Variants in RAB3GAP1 observed in about 807,000 individuals in gnomAD.
RAB3GAP1 encodes the protein rab3 GTPase-activating protein catalytic subunit.
A neutral mutation model predicts 130.7 loss-of-function variants in RAB3GAP1; 86 were observed. The observed-to-expected ratio is 0.66, with a 90% CI of 0.55 to 0.79. The LOEUF (loss-of-function observed/expected upper bound fraction) is 0.79. Ranked by LOEUF, RAB3GAP1 falls within the 30% of genes least tolerant of loss-of-function variation. The probability of loss-of-function intolerance (pLI) is 0.00; values close to 1 mark genes in which losing one functional copy is unlikely to be tolerated. For synonymous variants in RAB3GAP1, 367 were observed against 401.7 expected, an observed-to-expected ratio of 0.91 and a Z score of 1.03; for missense variants, 1,029 against 1,169.4, an observed-to-expected ratio of 0.88 and a Z score of 1.75.
intron 3 of RAB3GAP1, among the ~76,000 whole-genome samples, chr2:135,090,319 T>C (rs1690108130): frequency 6.6e-6 from 1 of 152,216 alleles, no homozygotes; most frequent in South Asian, 2.1e-4. Context: ...TAATTGCTTA[T>C]ATATTTTCAA....
At position 135,135,716 on chromosome 2, in the gene RAB3GAP1, A is replaced by T. The variant is rs761977924; in HGVS notation, c.1707A>T (p.Gly569=). ...TAAAAGAAACAGATAAGGAAAAGGG[A>T]GAGGTAGGAAAATCTTGGGATTCCT... The part of the protein sequence containing the change: ...DNLKETDKEK[G]EVGKSWDSWS... Residue 569 remains glycine, a synonymous_variant, in exon 17 of 24, where the codon GGA becomes GGT. Transcript: ENST00000264158. 11 of 1,613,976 alleles carry T rather than the reference A, an allele frequency of 6.8e-6. No homozygotes were observed. Among genetic ancestry groups the T allele is most frequent in the Non-Finnish European group, 8.5e-6 (10 of 1,179,992 alleles).
rs747903614 is a variant in RAB3GAP1 at position 135,113,270 on chromosome 2, G to A, written c.482G>A (p.Cys161Tyr). 1.2e-6 allele frequency: 2 copies of A among 1,614,026 alleles called. No individual in the cohort carries two copies. The highest frequency in any genetic ancestry group is 8.5e-7 in the Non-Finnish European group (1 of 1,179,966). Residue 161 changes from cysteine (C) to tyrosine (Y), a missense_variant and splice_region_variant, in exon 6 of 24, where the codon TGT (cysteine) becomes TAT (tyrosine). Physicochemically the swap from Cys to Tyr is radical, Grantham distance 194. Around this residue, in one of 3 missense-constraint regions of RAB3GAP1, gnomAD observed 510 missense variants for 532.1 expected, o/e 0.96. Coordinates refer to ENST00000264158, the MANE Select transcript of RAB3GAP1 (RefSeq NM_012233.3). Reference sequence around the variant, plus strand: ...TCTATTGCCTTGGGAAACACTGGCTGGTGAGTGGACATTTTTTAAAACCTA... The same window carrying A: ...TCTATTGCCTTGGGAAACACTGGCTAGTGAGTGGACATTTTTTAAAACCTA... ...SVSIALGNTGCQVPLFVQIHH... is the reference protein window; with the variant it reads ...SVSIALGNTGYQVPLFVQIHH...
intron 7 of RAB3GAP1, among the ~76,000 whole-genome samples, chr2:135,117,835 CTTCTTCTTCT>C (rs1231229279): frequency 7.5e-5 from 11 of 146,384 alleles, no homozygotes; most frequent in African/African-American, 2.9e-4. Flanking sequence ...CTTCTTCTTT[CTTCTTCTTCT>C]TTCTTCTTCT....
chr2:135,156,799 C>G lies in RAB3GAP1; in HGVS notation c.2289+2923C>G, dbSNP rs117298871. ...AGCTAGTGTAATTAGCAAGAGAAAG[C>G]AGAGGCATGGGAGTTGAAAGAAGAA... On this transcript the variant is annotated intron_variant, in intron 19 of 23. Coordinates refer to ENST00000264158, the MANE Select transcript of RAB3GAP1 (RefSeq NM_012233.3). 1.8e-3 allele frequency among the ~76,000 whole-genome samples: 274 copies of G among 152,196 alleles called. 7 individuals carry two copies. The South Asian group carries it at 0.033, about 18-fold the overall frequency.
chr2:135,105,468 G>A (rs1265497763), intron 5 of RAB3GAP1, among the ~76,000 whole-genome samples: 1 of 152,034 alleles, frequency 6.6e-6, no homozygotes, highest in African/African-American at 2.4e-5. Context: ...TCCTAACCGC[G>A]AGTGATCTGC....
intron 3 of RAB3GAP1, among the ~76,000 whole-genome samples, chr2:135,087,935 A>G (rs536246504): frequency 4.6e-5 from 7 of 152,234 alleles, no homozygotes; most frequent in Admixed American, 1.3e-4. Flanking sequence ...TTCGGTTCGC[A>G]TAGCAGATAC....
At chr2:135,164,845 C>G (rs1692586814) in intron 23 of RAB3GAP1, 149 bp downstream of exon 23, 1 of 650,360 alleles carries the variant, frequency 1.5e-6, no homozygotes, top group Non-Finnish European at 2.8e-6. Context: ...GAAACAATGA[C>G]TTCTGAGTCT....
chr2:135,109,091 C>G (rs1436676997), intron 5 of RAB3GAP1, among the ~76,000 whole-genome samples: 1 of 152,022 alleles, frequency 6.6e-6, no homozygotes, highest in Non-Finnish European at 1.5e-5. Flanking sequence ...TATAGTAGTG[C>G]TTGAAGTTTG....
At position 135,164,594 on chromosome 2, in the gene RAB3GAP1, G is replaced by A; in HGVS notation, c.2607G>A (p.Arg869=). 6.2e-7 allele frequency: 1 copy of A among 1,608,836 alleles called. No individual in the cohort carries two copies. The highest frequency in any genetic ancestry group is 1.1e-5 in the South Asian group (1 of 90,934). The change falls in exon 23 of 24, where the codon AGG becomes AGA. Residue 869 remains arginine (R), a splice_region_variant and synonymous_variant. Transcript: ENST00000264158. ...EQEEEKEDLE[R]FVSCLLEQPE... is the part of the protein sequence containing the mutation. ...TTCATTGCCTGTCTCTGTCTCCTAG[G>A]TTTGTGAGTTGCCTGCTGGAGCAGC...
intron 5 of RAB3GAP1, among the ~76,000 whole-genome samples, chr2:135,099,853 A>G (rs1478838048): frequency 6.6e-6 from 1 of 152,070 alleles, no homozygotes; most frequent in African/African-American, 2.4e-5. Flanking sequence ...ATTTGGATTG[A>G]TGGAGTAAAT....
chr2:135,135,480 T>C, intron 16 of RAB3GAP1, 84 bp from the exon 17 acceptor site: 1 of 1,477,746 alleles, frequency 6.8e-7, no homozygotes, highest in East Asian at 2.4e-5. Flanking sequence ...AAGTGGAGAG[T>C]GAAAATTAAA....
rs183041635 is a variant in RAB3GAP1 at position 135,101,752 on chromosome 2, G to A, written c.362+8059G>A. Among the ~76,000 whole-genome samples the A allele has an allele frequency of 3.5e-3, 524 of 151,794 alleles. 1 individual carries two copies. Among genetic ancestry groups the A allele is most frequent in the Non-Finnish European group, 5.4e-3 (364 of 67,970 alleles). On this transcript the variant is annotated intron_variant, in intron 5 of 23. Coordinates refer to ENST00000264158, the MANE Select transcript of RAB3GAP1 (RefSeq NM_012233.3). ...ATCTTAATGATGTGTTTTGCTGGAT[G>A]TATTTCAGCCTTCTGATATACCTAT...
Position 135,150,411 on chromosome 2 carries a change from G to A in RAB3GAP1, c.1966G>A (p.Glu656Lys). The change falls in exon 18 of 24, where the codon GAA becomes AAA. Residue 656 changes from glutamate to lysine, a missense_variant. By Grantham distance (56) the Glu-to-Lys change is moderately conservative (BLOSUM62 1). This residue lies in a region of RAB3GAP1 where 373 missense variants were observed against 493.6 expected (regional missense o/e 0.76). Transcript: ENST00000264158. ...MTEDLLEEQS[E>K]VLAKLGTSAE... ...AGAAGATCTGCTAGAAGAGCAGTCT[G>A]AAGTTTTAGCTAAATTAGGTACATC... 1.2e-6 allele frequency: 2 copies of A among 1,614,222 alleles called. No individual in the cohort carries two copies. The highest frequency in any genetic ancestry group is 1.7e-6 in the Non-Finnish European group (2 of 1,180,038).
intron 17 of RAB3GAP1, among the ~76,000 whole-genome samples, chr2:135,149,295 A>G (rs1692096107): frequency 6.6e-6 from 1 of 152,210 alleles, no homozygotes; most frequent in Non-Finnish European, 1.5e-5. Context: ...ATATTTTGAG[A>G]AGTATACTGA....
intron 19 of RAB3GAP1, among the ~76,000 whole-genome samples, chr2:135,159,812 A>G (rs998658414): frequency 1.4e-4 from 22 of 152,374 alleles, no homozygotes; most frequent in Admixed American, 1.4e-3. Context: ...ATAAAAAGGA[A>G]TGAAGCACTG....
intron 11 of RAB3GAP1, among the ~76,000 whole-genome samples, chr2:135,129,144 CCT>C (rs1000217724): frequency 6.9e-6 from 1 of 144,072 alleles, no homozygotes; most frequent in Admixed American, 6.9e-5. Context: ...AGAGTAAGAC[CCT>C]GTCTCAAAAA....
In RAB3GAP1 at chr2:135,058,052, T is replaced by C. The variant is rs750088563; in HGVS notation, c.116T>C (p.Leu39Pro). 1 of 1,613,192 alleles carries C rather than the reference T, an allele frequency of 6.2e-7. No individual in the cohort carries two copies. Among genetic ancestry groups the C allele is most frequent in the South Asian group, 1.1e-5 (1 of 91,054 alleles). ...KVEEVLNDWK[L>P]IGNSLGKPLE... ...GAAGAAGTCTTGAATGACTGGAAAC[T>C]GATTGGAAACTCTTTGGGAAAGCCA... Residue 39 changes from leucine to proline, a missense_variant, in exon 3 of 24, where the codon CTG becomes CCG. Leu to Pro is a moderately conservative substitution (Grantham distance 98). Transcript: ENST00000264158.
intron 5 of RAB3GAP1, among the ~76,000 whole-genome samples, chr2:135,112,694 C>G (rs1038992260): frequency 2.6e-5 from 4 of 152,052 alleles, no homozygotes; most frequent in Non-Finnish European, 5.9e-5. Flanking sequence ...TCTCAAGCGG[C>G]AACAATAACA....
chr2:135,174,185 G>C (rs939304521), downstream of RAB3GAP1, among the ~76,000 whole-genome samples: 7 of 152,190 alleles, frequency 4.6e-5, no homozygotes, highest in African/African-American at 1.4e-4. Flanking sequence ...TGCAGGGAGC[G>C]TTCTTGGCCT....
Sources: gnomAD v4.1 joint callset for allele counts (sites outside exome capture counted in the v4.1 genomes callset) on GRCh38, gnomAD v4.1.1 for gene constraint, gnomAD v4.1.1 regional missense constraint, MANE v1.5 for transcripts, NCBI Gene and HGNC (gene_info 2026-07-23, HGNC 2026-07-21) for gene names.